Variants in ITPR2 observed in about 807,000 individuals in gnomAD.
ITPR2 encodes the protein inositol 1,4,5-trisphosphate receptor type 2.
Under a neutral mutation model 317.1 loss-of-function variants are expected in ITPR2, and 207 were observed. The observed-to-expected ratio is 0.65, with a 90% CI of 0.58 to 0.73. The LOEUF (loss-of-function observed/expected upper bound fraction) is 0.73, where lower values mean the gene tolerates loss of function less well. Among genes scored for constraint, ITPR2 ranks in the 30% least tolerant of loss-of-function variants. The pLI is 0.00. For missense variants in ITPR2, 2,613 were observed against 3,284.0 expected (o/e 0.80, Z 4.99); for synonymous variants, 1,156 against 1,149.1 (o/e 1.01, Z -0.12).
At chr12:26,516,810 G>A (rs7960711) in intron 37 of ITPR2, among the ~76,000 whole-genome samples, 62,599 of 151,594 alleles carry the variant, frequency 0.41, 14,659 homozygotes, top group Non-Finnish European at 0.53. Context: ...GCAAACAAAG[G>A]GATGGAGAGG....
intron 39 of ITPR2, among the ~76,000 whole-genome samples, chr12:26,487,977 T>G (rs1190735680): frequency 6.6e-6 from 1 of 152,170 alleles, no homozygotes; most frequent in African/African-American, 2.4e-5. Context: ...AACAAAAGTA[T>G]GATAAAATGT....
chr12:26,495,018 G>A (rs1942900504), intron 38 of ITPR2, 134 bp downstream of exon 38: 2 of 653,646 alleles, frequency 3.1e-6, no homozygotes, highest in African/African-American at 3.7e-5. Context: ...GCCCCAAATT[G>A]TATGAAAGTT....
chr12:26,636,690 T>C (rs1364100159), intron 21 of ITPR2, among the ~76,000 whole-genome samples: 1 of 152,128 alleles, frequency 6.6e-6, no homozygotes, highest in Non-Finnish European at 1.5e-5. Context: ...ATTAATAAAA[T>C]AGATACCAAT....
Position 26,682,586 on chromosome 12 carries a change from A to C in ITPR2, c.1236T>G (p.Pro412=), listed in dbSNP as rs1160598368. ...CAGTGACATTTACCTTTAACATAAC[A>C]GGCCTCTCTTCATCTGTGTCTATGG... ...SIPIDTDEER[P]VMLKIGTCQT... is the part of the protein sequence containing the mutation. The change falls in exon 12 of 57, where the codon CCT becomes CCG. Residue 412 remains proline (P), a synonymous_variant. Transcript: ENST00000381340. The C allele has an allele frequency of 6.2e-7, 1 of 1,604,038 alleles. No homozygotes were observed. The highest frequency in any genetic ancestry group is 8.5e-7 in the Non-Finnish European group (1 of 1,172,828).
intron 1 of ITPR2, among the ~76,000 whole-genome samples, chr12:26,815,486 T>C (rs1309909200): frequency 6.6e-6 from 1 of 152,220 alleles, no homozygotes; most frequent in African/African-American, 2.4e-5. Flanking sequence ...CTAATCGGGA[T>C]GAAATATTAG....
At chr12:26,634,823 A>G (rs781099421) in intron 21 of ITPR2, among the ~76,000 whole-genome samples, 2 of 138,918 alleles carry the variant, frequency 1.4e-5, no homozygotes, top group Non-Finnish European at 3.1e-5. Flanking sequence ...AGGCAGAGGT[A>G]CTAGTGAGTT....
At chr12:26,559,159 G>A (rs1235984896) in intron 35 of ITPR2, among the ~76,000 whole-genome samples, 1 of 152,188 alleles carries the variant, frequency 6.6e-6, no homozygotes, top group African/African-American at 2.4e-5. Context: ...CTGCTTCCAT[G>A]TCTGGATCTT....
chr12:26,538,976 A>G (rs1944181730), intron 37 of ITPR2, among the ~76,000 whole-genome samples: 1 of 152,186 alleles, frequency 6.6e-6, no homozygotes, highest in South Asian at 2.1e-4. Context: ...TAGTGTGAAG[A>G]TCCAAGCAGA....
intron 1 of ITPR2, among the ~76,000 whole-genome samples, chr12:26,825,643 A>AG (rs1414292169): frequency 6.6e-6 from 1 of 152,152 alleles, no homozygotes; most frequent in East Asian, 1.9e-4. Context: ...GCTCTTGAGG[A>AG]GGGGTGGTTG....
chr12:26,470,906 A>C (rs1465921531), intron 45 of ITPR2, among the ~76,000 whole-genome samples: 4 of 152,240 alleles, frequency 2.6e-5, no homozygotes, highest in Non-Finnish European at 4.4e-5. Flanking sequence ...TTAGAAACCT[A>C]AATGTCTAAC....
chr12:26,462,024 G>A (rs1369462504), intron 45 of ITPR2, among the ~76,000 whole-genome samples: 1 of 145,466 alleles, frequency 6.9e-6, no homozygotes, highest in Non-Finnish European at 1.5e-5. Context: ...CCACTTTTCT[G>A]TGCCTCTGTA....
At chr12:26,631,819 T>C (rs766789846) in intron 22 of ITPR2, 47 bp downstream of exon 22, 1 of 1,534,160 alleles carries the variant, frequency 6.5e-7, no homozygotes, top group South Asian at 1.1e-5. Flanking sequence ...GTTAAATCAA[T>C]AAGCAAAATT....
intron 21 of ITPR2, among the ~76,000 whole-genome samples, chr12:26,639,421 C>T (rs1946932230): frequency 6.6e-6 from 1 of 152,030 alleles, no homozygotes; most frequent in Non-Finnish European, 1.5e-5. Flanking sequence ...AGATATGAAG[C>T]TCATATATTA....
chr12:26,603,988 T>C (rs1946062087), intron 26 of ITPR2, among the ~76,000 whole-genome samples: 2 of 152,078 alleles, frequency 1.3e-5, no homozygotes, highest in South Asian at 2.1e-4. Flanking sequence ...ATAATGATGG[T>C]GTTAGGCGCT....
At chr12:26,496,481 T>C (rs1942933812) in intron 37 of ITPR2, among the ~76,000 whole-genome samples, 1 of 152,224 alleles carries the variant, frequency 6.6e-6, no homozygotes, top group African/African-American at 2.4e-5. Context: ...CAATCACTTC[T>C]GCTGGTCTGC....
chr12:26,363,182 T>C (rs534754482), intron 55 of ITPR2, among the ~76,000 whole-genome samples: 20 of 152,306 alleles, frequency 1.3e-4, no homozygotes, highest in Middle Eastern at 3.4e-3. Context: ...TAGATTCTCA[T>C]AGAAGTGTGA....
chr12:26,387,505 T>C lies in ITPR2; in HGVS notation c.7786A>G (p.Ile2596Val), dbSNP rs774744468. The C allele has an allele frequency of 1.9e-6, 3 of 1,613,862 alleles. No individual in the cohort carries two copies. Among genetic ancestry groups the C allele is most frequent in the East Asian group, 2.2e-5 (1 of 44,828 alleles). ...EHNMWHYLYF[I>V]VLVKVKDPTE... The stretch of plus-strand genomic sequence containing the variant: ...GGGTCTTTAACTTTCACCAGGACTA[T>C]GAAGTACAAATAATGCCACATATTG... Residue 2596 changes from isoleucine to valine, a missense_variant, in exon 55 of 57, where the codon ATA becomes GTA. Around this residue, in one of 9 missense-constraint regions of ITPR2, gnomAD observed 119 missense variants for 144.3 expected, o/e 0.82. Coordinates refer to ENST00000381340, the MANE Select transcript of ITPR2 (RefSeq NM_002223.4).
chr12:26,452,062 G>A (rs1370423624), intron 45 of ITPR2, among the ~76,000 whole-genome samples: 5 of 151,978 alleles, frequency 3.3e-5, no homozygotes, highest in South Asian at 2.1e-4. Flanking sequence ...TCTCTGGCCC[G>A]ACCTCAAGCC....
chr12:26,429,646 T>C (rs11048515), intron 48 of ITPR2, among the ~76,000 whole-genome samples: 54,996 of 152,116 alleles, frequency 0.36, 12,256 homozygotes, highest in Non-Finnish European at 0.5. Context: ...GGGCCATCTC[T>C]AGACCTATCG....
Sources: gnomAD v4.1 joint callset for allele counts (sites outside exome capture counted in the v4.1 genomes callset) on GRCh38, gnomAD v4.1.1 for gene constraint, gnomAD v4.1.1 regional missense constraint, MANE v1.5 for transcripts, NCBI Gene and HGNC (gene_info 2026-07-23, HGNC 2026-07-21) for gene names.